KLF12: variants seen among roughly 807,000 people sequenced by gnomAD.
The protein encoded by KLF12 is Krueppel-like factor 12.
In KLF12, 9 loss-of-function variants were observed where a neutral mutation model predicts 37.8. The ratio of observed to expected loss-of-function variants is 0.24; its 90% CI spans 0.14 to 0.42. KLF12 has a LOEUF of 0.42. KLF12 is among the 10% of genes least tolerant of loss of function. KLF12 has a pLI of 1.00. For synonymous variants in KLF12, 208 were observed against 202.1 expected (o/e 1.03, Z -0.25); for missense variants, 411 against 516.0 (o/e 0.80, Z 1.97).
chr13:74,032,077 A>T (rs1396271963), intron 1 of KLF12, among the ~76,000 whole-genome samples: 1 of 152,186 alleles, frequency 6.6e-6, no homozygotes, highest in African/African-American at 2.4e-5. Flanking sequence ...AGGCCTCCTC[A>T]CACTAATCAA....
chr13:73,920,349 A>C (rs1042562367), intron 3 of KLF12, among the ~76,000 whole-genome samples: 1 of 151,958 alleles, frequency 6.6e-6, no homozygotes, highest in Non-Finnish European at 1.5e-5. Context: ...TTTTTAATGT[A>C]TGTAAGCTAA....
chr13:74,029,376 T>A (rs964923808), intron 1 of KLF12, among the ~76,000 whole-genome samples: 2 of 152,126 alleles, frequency 1.3e-5, no homozygotes, highest in South Asian at 4.1e-4. Context: ...GGTCAACTAC[T>A]TAGTTTTCAA....
chr13:73,723,945 G>A (rs1876468219), intron 6 of KLF12, among the ~76,000 whole-genome samples: 1 of 152,170 alleles, frequency 6.6e-6, no homozygotes, highest in Non-Finnish European at 1.5e-5. Flanking sequence ...GTTGGTGGGA[G>A]TGCAAATTAG....
At chr13:74,299,023 C>T in the KLF12 span, among the ~76,000 whole-genome samples, 1 of 152,116 alleles carries the variant, frequency 6.6e-6, no homozygotes, top group Non-Finnish European at 1.5e-5. Flanking sequence ...GTAAGTAGGA[C>T]CATGGCAGAC....
At chr13:73,734,857 G>GTT (rs1381720223) in intron 6 of KLF12, among the ~76,000 whole-genome samples, 1 of 152,146 alleles carries the variant, frequency 6.6e-6, no homozygotes, top group African/African-American at 2.4e-5. Context: ...GACATAGCAA[G>GTT]TAAGTGGCAG....
chr13:74,085,623 C>A (rs1398630352), intron 1 of KLF12, among the ~76,000 whole-genome samples: 1 of 152,158 alleles, frequency 6.6e-6, no homozygotes, highest in Non-Finnish European at 1.5e-5. Context: ...AGGGACTCAA[C>A]CAGACATTTG....
chr13:73,956,089 A>T (rs1227237918), intron 2 of KLF12, among the ~76,000 whole-genome samples: 2 of 152,228 alleles, frequency 1.3e-5, no homozygotes, highest in Non-Finnish European at 2.9e-5. Flanking sequence ...GTCATAAAGG[A>T]AACAAAATTC....
At chr13:74,135,293 C>T (rs7324578), upstream of KLF12, among the ~76,000 whole-genome samples, 2,242 of 151,932 alleles carry the variant, frequency 0.015, 54 homozygotes, top group African/African-American at 0.049. Context: ...GCAGAGGAAG[C>T]GGGATCTGCA....
chr13:74,170,710 G>T, the KLF12 span, among the ~76,000 whole-genome samples: 2 of 152,174 alleles, frequency 1.3e-5, no homozygotes, highest in East Asian at 1.9e-4. Context: ...GTTTGAAAAA[G>T]GGTGGTATGA....
intron 5 of KLF12, among the ~76,000 whole-genome samples, chr13:73,772,592 A>G (rs756927812): frequency 5.9e-5 from 9 of 152,198 alleles, no homozygotes; most frequent in Non-Finnish European, 1.2e-4. Flanking sequence ...CAAAACCACA[A>G]ATTGGTGTAG....
intron 3 of KLF12, among the ~76,000 whole-genome samples, chr13:73,938,042 T>C (rs1191992844): frequency 6.6e-6 from 1 of 152,214 alleles, no homozygotes. Flanking sequence ...TCAGAGAATA[T>C]TAAATGATAA....
chr13:73,942,156 T>A (rs546160121), intron 3 of KLF12, among the ~76,000 whole-genome samples: 2 of 152,322 alleles, frequency 1.3e-5, no homozygotes, highest in East Asian at 3.9e-4. Context: ...ACTATATGGA[T>A]ATTGTTAAAG....
At chr13:74,012,817 C>T (rs1490498496) in intron 1 of KLF12, among the ~76,000 whole-genome samples, 4 of 152,164 alleles carry the variant, frequency 2.6e-5, no homozygotes, top group African/African-American at 9.6e-5. Context: ...AAAAAACAAT[C>T]ACATATTATA....
the KLF12 span, among the ~76,000 whole-genome samples, chr13:74,205,894 C>A: frequency 6.6e-6 from 1 of 152,218 alleles, no homozygotes; most frequent in Non-Finnish European, 1.5e-5. Flanking sequence ...TGAATATGAA[C>A]CCTGTCAGCA....
At chr13:74,178,830 A>G in the KLF12 span, among the ~76,000 whole-genome samples, 2 of 152,072 alleles carry the variant, frequency 1.3e-5, no homozygotes, top group African/African-American at 4.8e-5. Context: ...TCTTCTTGCA[A>G]TACCTTCTTT....
chr13:73,941,124 G>T (rs1283110417), intron 3 of KLF12, among the ~76,000 whole-genome samples: 1 of 152,132 alleles, frequency 6.6e-6, no homozygotes, highest in Non-Finnish European at 1.5e-5. Flanking sequence ...ACCAAAACTA[G>T]GTTTTTCAGA....
chr13:73,711,204 A>G (rs984648638), intron 7 of KLF12, among the ~76,000 whole-genome samples: 5 of 152,254 alleles, frequency 3.3e-5, no homozygotes, highest in African/African-American at 1.2e-4. Flanking sequence ...CATAACATAT[A>G]AGTGCAAGTT....
chr13:74,027,970 T>C (rs183236570), intron 1 of KLF12, among the ~76,000 whole-genome samples: 22 of 152,236 alleles, frequency 1.4e-4, no homozygotes, highest in Middle Eastern at 3.4e-3. Flanking sequence ...CTGTCCCTTG[T>C]AAAGAAAGAA....
chr13:74,219,869 T>A, the KLF12 span, among the ~76,000 whole-genome samples: 1 of 152,228 alleles, frequency 6.6e-6, no homozygotes, highest in South Asian at 2.1e-4. Context: ...CCTTTGGTTT[T>A]CTGCAGTTGT....
Sources: allele counts gnomAD v4.1 joint callset (sites outside exome capture counted in the v4.1 genomes callset), GRCh38; gene constraint gnomAD v4.1.1; transcripts MANE v1.5; gene names NCBI Gene and HGNC (gene_info 2026-07-23, HGNC 2026-07-21).